The following ZIC5 variants were observed in gnomAD, a reference collection of about 807,000 sequenced individuals.
The protein encoded by ZIC5 is zinc finger protein ZIC 5.
Under a neutral mutation model 28.5 loss-of-function variants are expected in ZIC5, and 20 were observed. The ratio of observed to expected loss-of-function variants is 0.70; its 90% CI spans 0.49 to 1.02. The LOEUF (loss-of-function observed/expected upper bound fraction) is 1.02, where lower values mean the gene tolerates loss of function less well. ZIC5 is among the 50% of genes least tolerant of loss of function. The pLI is 0.00. For missense variants in ZIC5, 951 were observed against 899.7 expected, an observed-to-expected ratio of 1.06 and a Z score of -0.73; for synonymous variants, 488 against 410.4, an observed-to-expected ratio of 1.19 and a Z score of -2.29.
chr13:99,963,159 G>GGTAAAATA lies in ZIC5; in HGVS notation c.*2210_*2217dup, dbSNP rs1299940860. ...TGTGGCAAAGAGTTAACCTATGCAT[G>GGTAAAATA]GTAAAATACATAAAATACATATTCC... On this transcript the variant is annotated 3_prime_UTR_variant, in exon 2 of 2. Transcript: ENST00000267294. 3.3e-5 allele frequency: 5 copies of GGTAAAATA among 152,132 alleles called. No individual in the cohort carries two copies. Among genetic ancestry groups the GGTAAAATA allele is most frequent in the African/African-American group, 1.2e-4 (5 of 41,296 alleles). The allele number at this position is 152,132 out of a possible 1,614,324, so 9.4% of individuals were successfully genotyped here. A position where few individuals can be genotyped will look rare whatever the true frequency, so the allele number is the denominator to read the frequency against.
Position 99,971,444 on chromosome 13 carries a change from G to A in ZIC5, c.160C>T (p.Arg54Trp). 1 of 1,545,356 alleles carries A rather than the reference G, an allele frequency of 6.5e-7. No homozygotes were observed. Residue 54 changes from arginine (R) to tryptophan (W), a missense_variant, in exon 1 of 2, where the codon CGG (arginine) becomes TGG (tryptophan). Arg to Trp is a moderately radical substitution (Grantham distance 101). Around this residue, in one of 3 missense-constraint regions of ZIC5, gnomAD observed 784 missense variants for 660.1 expected, o/e 1.19. Coordinates refer to ENST00000267294, the MANE Select transcript of ZIC5 (RefSeq NM_033132.5). Reference protein sequence around the residue: ...LRAAVAHLRLRDLGADPGVAT... With the variant: ...LRAAVAHLRLWDLGADPGVAT... ...ACGCCGGGGTCAGCGCCCAGGTCCC[G>A]CAGGCGGAGGTGCGCGACGGCGGCC... is the stretch of plus-strand genomic sequence containing the variant.
chr13:99,969,949 A>T (rs1376955100), intron 1 of ZIC5, among the ~76,000 whole-genome samples, 178 bp downstream of exon 1: 8 of 152,012 alleles, frequency 5.3e-5, no homozygotes, highest in Non-Finnish European at 1.0e-4. Flanking sequence ...AGAAAAAAAA[A>T]AGGGGGGGAG....
At chr13:99,969,391 G>A (rs1355520224) in intron 1 of ZIC5, among the ~76,000 whole-genome samples, 2 of 152,142 alleles carry the variant, frequency 1.3e-5, no homozygotes, top group Non-Finnish European at 2.9e-5. Flanking sequence ...CGTGGGGCGT[G>A]TAAATGATGT....
chr13:99,965,757 G>A lies in ZIC5; in HGVS notation c.1540C>T (p.Arg514Trp), dbSNP rs1008969009. Residue 514 changes from arginine to tryptophan, a missense_variant, in exon 2 of 2, where the codon CGG (arginine) becomes TGG (tryptophan). Arg to Trp is a moderately radical substitution (Grantham distance 101). This residue lies in a region of ZIC5 where 59 missense variants were observed against 121.2 expected (regional missense o/e 0.49). Coordinates refer to ENST00000267294, the MANE Select transcript of ZIC5 (RefSeq NM_033132.5). ...CDRKFANSSDRKKHSHVHTSD... is the reference protein window; with the variant it reads ...CDRKFANSSDWKKHSHVHTSD... ...GTGTGGACATGGGAATGTTTCTTCC[G>A]ATCACTGCTATTGGCAAACTTCCTG... is the stretch of plus-strand genomic sequence containing the variant. 5.0e-6 allele frequency: 8 copies of A among 1,614,002 alleles called. No individual in the cohort carries two copies. The highest frequency in any genetic ancestry group is 6.8e-6 in the Non-Finnish European group (8 of 1,180,016).
rs968930184 is a variant in ZIC5, at chr13:99,971,375, T to G, written c.229A>C (p.Thr77Pro). ...LGPEHMAQASTLGLSPPSQAF... is the reference protein window; with the variant it reads ...LGPEHMAQASPLGLSPPSQAF... ...TGGGAGGGAGGGCTGAGGCCCAGCGTGCTCGCCTGGGCCATGTGCTCGGGT... is the reference window on the plus strand; with the variant it reads ...TGGGAGGGAGGGCTGAGGCCCAGCGGGCTCGCCTGGGCCATGTGCTCGGGT... The change falls in exon 1 of 2, where the codon ACG (threonine) becomes CCG (proline). Residue 77 changes from threonine (T) to proline (P), a missense_variant. Around this residue, in one of 3 missense-constraint regions of ZIC5, gnomAD observed 784 missense variants for 660.1 expected, o/e 1.19. Transcript: ENST00000267294. The G allele has an allele frequency of 2.7e-6, 4 of 1,477,706 alleles. No homozygotes were observed. The East Asian group carries it at 1.0e-4, about 38-fold the overall frequency. 91.5% of individuals were successfully genotyped at this position (1,477,706 alleles called of 1,614,324 possible).
Position 99,970,947 on chromosome 13 carries a change from G to T in ZIC5, c.657C>A (p.Ser219=). The change falls in exon 1 of 2, where the codon TCC becomes TCA. Residue 219 remains serine (S), a synonymous_variant. Transcript: ENST00000267294. ...PPPHSAGMFI[S]ASGTYAGPDG... ...CCGGGCCCGCGTAGGTGCCGCTGGCGGAGATGAACATGCCGGCCGAGTGGG... is the reference window on the plus strand; with the variant it reads ...CCGGGCCCGCGTAGGTGCCGCTGGCTGAGATGAACATGCCGGCCGAGTGGG... 7.2e-7 allele frequency: 1 copy of T among 1,395,086 alleles called. No homozygotes were observed. The highest frequency in any genetic ancestry group is 9.2e-7 in the Non-Finnish European group (1 of 1,085,714). The allele number at this position is 1,395,086 out of a possible 1,614,324, so 86.4% of individuals were successfully genotyped here. A position where few individuals can be genotyped will look rare whatever the true frequency, so the allele number is the denominator to read the frequency against.
In ZIC5 at chr13:99,970,303, T is replaced by C; in HGVS notation, c.1301A>G (p.His434Arg). 6.2e-7 allele frequency: 1 copy of C among 1,613,134 alleles called. No homozygotes were observed. Among genetic ancestry groups the C allele is most frequent in the Non-Finnish European group, 8.5e-7 (1 of 1,179,564 alleles). Residue 434 changes from histidine (H) to arginine (R), a missense_variant, in exon 1 of 2, where the codon CAC becomes CGC. Transcript: ENST00000267294. Reference sequence around the variant, plus strand: ...CGGACAGTCCTCCCAGAAGCAGACGTGGCTGCTCTGCTCGGGGCCTCCCAC... The same window carrying C: ...CGGACAGTCCTCCCAGAAGCAGACGCGGCTGCTCTGCTCGGGGCCTCCCAC... ...EHVGGPEQSS[H>R]VCFWEDCPRE...
chr13:99,967,796 A>G (rs537787261), intron 1 of ZIC5, among the ~76,000 whole-genome samples: 1 of 152,370 alleles, frequency 6.6e-6, no homozygotes, highest in East Asian at 1.9e-4. Flanking sequence ...AACAGAAGAA[A>G]ACAAGGCAAG....
In ZIC5 at chr13:99,971,544, C is replaced by G; in HGVS notation, c.60G>C (p.Thr20=). 3.9e-6 allele frequency: 6 copies of G among 1,552,328 alleles called. No homozygotes were observed. The highest frequency in any genetic ancestry group is 5.2e-6 in the Non-Finnish European group (6 of 1,147,268). ...PPALRLADLA[T]AQVQPLQNMT... is the part of the protein sequence containing the mutation. The stretch of plus-strand genomic sequence containing the variant: ...TATTCTGAAGCGGCTGGACCTGAGC[C>G]GTTGCCAAATCCGCTAATCTCAGCG... Residue 20 remains threonine, a synonymous_variant, in exon 1 of 2, where the codon ACG becomes ACC. Transcript: ENST00000267294.
Position 99,970,447 on chromosome 13 carries a change from G to GGCGGCA in ZIC5, c.1156_1157insTGCCGC (p.Leu385_Pro386insLeuPro). On this transcript the variant is annotated inframe_insertion, in exon 1 of 2. Transcript: ENST00000267294. ...CGGCGGCGGCGGCGGCGGCGGCGGCGGCAGCCCGGCCAGCTCGTCGGGGTC... is the reference window on the plus strand; with the variant it reads ...CGGCGGCGGCGGCGGCGGCGGCGGCGGCGGCAGCAGCCCGGCCAGCTCGTCGGGGTC... 2.9e-6 allele frequency: 3 copies of GGCGGCA among 1,040,512 alleles called. No individual in the cohort carries two copies. The highest frequency in any genetic ancestry group is 3.5e-6 in the Non-Finnish European group (3 of 867,366). 64.5% of individuals were successfully genotyped at this position (1,040,512 alleles called of 1,614,324 possible). A position where few individuals can be genotyped will look rare whatever the true frequency, so the allele number is the denominator to read the frequency against.
Position 99,971,569 on chromosome 13 carries a change from G to A in ZIC5, c.35C>T (p.Ala12Val), listed in dbSNP as rs748275626. The change falls in exon 1 of 2, where the codon GCG becomes GTG. Residue 12 changes from alanine (A) to valine (V), a missense_variant. By Grantham distance (64) the Ala-to-Val change is moderately conservative. Around this residue, in one of 3 missense-constraint regions of ZIC5, gnomAD observed 784 missense variants for 660.1 expected, o/e 1.19. Coordinates refer to ENST00000267294, the MANE Select transcript of ZIC5 (RefSeq NM_033132.5). ...EPPLSKRNPP[A>V]LRLADLATAQ... ...CGTTGCCAAATCCGCTAATCTCAGCGCTGGCGGGTTCCTCTTGCTCAAAGG... is the reference window on the plus strand; with the variant it reads ...CGTTGCCAAATCCGCTAATCTCAGCACTGGCGGGTTCCTCTTGCTCAAAGG... 123 of 1,553,288 alleles carry A rather than the reference G, an allele frequency of 7.9e-5. No individual in the cohort carries two copies. Among genetic ancestry groups the A allele is most frequent in the Non-Finnish European group, 1.0e-4 (120 of 1,147,732 alleles).
rs1453214969 is a variant in ZIC5 at position 99,970,665 on chromosome 13, C to T, written c.939G>A (p.Ala313=). 2.6e-6 allele frequency: 3 copies of T among 1,175,290 alleles called. No homozygotes were observed. The highest frequency in any genetic ancestry group is 2.0e-5 in the South Asian group (1 of 50,784). The allele number at this position is 1,175,290 out of a possible 1,614,324, so 72.8% of individuals were successfully genotyped here. A position where few individuals can be genotyped will look rare whatever the true frequency, so the allele number is the denominator to read the frequency against. The part of the protein sequence containing the change: ...YGAVNLNLNL[A]AAAAAAAAGP... ...CGGCCGCTGCTGCGGCCGCCGCAGC[C>T]GCCAGGTTCAGGTTTAAGTTCACGG... The change falls in exon 1 of 2, where the codon GCG becomes GCA. Residue 313 remains alanine (A), a synonymous_variant. Coordinates refer to ENST00000267294, the MANE Select transcript of ZIC5 (RefSeq NM_033132.5).
In ZIC5 at chr13:99,963,171, A is replaced by G. The variant is rs1227212967; in HGVS notation, c.*2206T>C. On this transcript the variant is annotated 3_prime_UTR_variant, in exon 2 of 2. Coordinates refer to ENST00000267294, the MANE Select transcript of ZIC5 (RefSeq NM_033132.5). ...TTAACCTATGCATGGTAAAATACAT[A>G]AAATACATATTCCTTTGTTTCATAA... 1 of 152,596 alleles carries G rather than the reference A, an allele frequency of 6.6e-6. No individual in the cohort carries two copies. Among genetic ancestry groups the G allele is most frequent in the Non-Finnish European group, 1.5e-5 (1 of 68,016 alleles). 9.5% of individuals were successfully genotyped at this position (152,596 alleles called of 1,614,324 possible).
Position 99,969,741 on chromosome 13 carries a change from C to G in ZIC5, c.1477+386G>C, listed in dbSNP as rs371560549. 8.5e-5 allele frequency among the ~76,000 whole-genome samples: 13 copies of G among 152,064 alleles called. No homozygotes were observed. In the East Asian group the frequency reaches 1.4e-3, roughly 16 times the overall value. ...CTTTCCATCGCCCTCCCAGACTTCCCAGGGCCGGGCGGGTGGGGACTGCCG... is the reference window on the plus strand; with the variant it reads ...CTTTCCATCGCCCTCCCAGACTTCCGAGGGCCGGGCGGGTGGGGACTGCCG... On this transcript the variant is annotated intron_variant, in intron 1 of 1. Transcript: ENST00000267294.
chr13:99,964,301 TA>T lies in ZIC5; in HGVS notation c.*1075del, dbSNP rs1297042947. 6.6e-6 allele frequency: 1 copy of T among 152,158 alleles called. No homozygotes were observed. Among genetic ancestry groups the T allele is most frequent in the African/African-American group, 2.4e-5 (1 of 41,430 alleles). The allele number at this position is 152,158 out of a possible 1,614,324, so 9.4% of individuals were successfully genotyped here. On this transcript the variant is annotated 3_prime_UTR_variant, in exon 2 of 2. Transcript: ENST00000267294. ...TTTTTAAAAGGCTGATACAACAGTA[TA>T]AAAGAGGTGTTGGCCTGTTTTAAAA...
chr13:99,969,961 G>GA (rs891381084), intron 1 of ZIC5, among the ~76,000 whole-genome samples, 166 bp downstream of exon 1: 21 of 151,034 alleles, frequency 1.4e-4, no homozygotes, highest in Admixed American at 2.6e-4. Flanking sequence ...GGGGGGGAGA[G>GA]AAAAAAAAAG....
Position 99,970,100 on chromosome 13 carries a change from G to A in ZIC5, c.1477+27C>T, listed in dbSNP as rs771102893. On this transcript the variant is annotated intron_variant, in intron 1 of 1. Coordinates refer to ENST00000267294, the MANE Select transcript of ZIC5 (RefSeq NM_033132.5). ...GGCGCAGGAGCTGGTGGCGGCGGCGGCGGCGCGGCCGGGGACAGACACCCA... is the reference window on the plus strand; with the variant it reads ...GGCGCAGGAGCTGGTGGCGGCGGCGACGGCGCGGCCGGGGACAGACACCCA... The A allele has an allele frequency of 5.0e-6, 8 of 1,608,508 alleles. No individual in the cohort carries two copies. In the East Asian group the frequency reaches 1.1e-4, roughly 23 times the overall value.
Position 99,970,544 on chromosome 13 carries a change from G to C in ZIC5, c.1060C>G (p.Pro354Ala). The C allele has an allele frequency of 9.1e-7, 1 of 1,094,032 alleles. No homozygotes were observed. 67.8% of individuals were successfully genotyped at this position (1,094,032 alleles called of 1,614,324 possible). The change falls in exon 1 of 2, where the codon CCA becomes GCA. Residue 354 changes from proline to alanine, a missense_variant. This residue lies in a region of ZIC5 where 784 missense variants were observed against 660.1 expected (regional missense o/e 1.19). Coordinates refer to ENST00000267294, the MANE Select transcript of ZIC5 (RefSeq NM_033132.5). Reference sequence around the variant, plus strand: ...CGCAGGAAGGCCCCAGCCGCCCCTGGGAGGTGGGGGTGGTGCTGGTGCGGG... The same window carrying C: ...CGCAGGAAGGCCCCAGCCGCCCCTGCGAGGTGGGGGTGGTGCTGGTGCGGG... The part of the protein sequence containing the change: ...QHPHQHHPHL[P>A]GAAGAFLRYM...
rs1246348501 is a variant in ZIC5, at chr13:99,964,716, CTAAGA to C, written c.*656_*660del. 1.3e-5 allele frequency: 2 copies of C among 152,178 alleles called. No homozygotes were observed. Among genetic ancestry groups the C allele is most frequent in the African/African-American group, 4.8e-5 (2 of 41,290 alleles). The allele number at this position is 152,178 out of a possible 1,614,324, so 9.4% of individuals were successfully genotyped here. On this transcript the variant is annotated 3_prime_UTR_variant, in exon 2 of 2. Transcript: ENST00000267294. ...TCCTGTATAAAAATATTGTATTAAG[CTAAGA>C]TCAGTAATAAAAGAGTGGAAATTAA...
Sources: allele counts gnomAD v4.1 joint callset (sites outside exome capture counted in the v4.1 genomes callset), GRCh38; gene constraint gnomAD v4.1.1; regional missense constraint gnomAD v4.1.1; transcripts MANE v1.5; gene names NCBI Gene and HGNC (gene_info 2026-07-23, HGNC 2026-07-21).